Variants in NUDC observed in about 807,000 individuals in gnomAD.
NUDC encodes the protein nuclear migration protein nudC.
A neutral mutation model predicts 45.0 loss-of-function variants in NUDC; 14 were observed. The observed-to-expected ratio is 0.31, with a 90% CI of 0.21 to 0.49. The LOEUF (loss-of-function observed/expected upper bound fraction) is 0.49, where lower values mean the gene tolerates loss of function less well. Among genes scored for constraint, NUDC ranks in the 20% least tolerant of loss-of-function variants. The probability of loss-of-function intolerance (pLI) is 0.99; values close to 1 mark genes in which losing one functional copy is unlikely to be tolerated. For missense variants in NUDC, 323 were observed against 426.2 expected (o/e 0.76, Z 2.13); for synonymous variants, 153 against 156.7 (o/e 0.98, Z 0.17).
chr1:26,903,968 G>A (rs949238837), intron 2 of NUDC, among the ~76,000 whole-genome samples: 2 of 148,936 alleles, frequency 1.3e-5, no homozygotes, highest in African/African-American at 2.5e-5. Flanking sequence ...CCGAGATCGC[G>A]CCACTGCACT....
chr1:26,945,943 G>A lies in NUDC; in HGVS notation c.945-187G>A, dbSNP rs151173308. Among the ~76,000 whole-genome samples, 569 of 152,314 alleles carry A rather than the reference G, an allele frequency of 3.7e-3. 6 individuals carry two copies. The highest frequency in any genetic ancestry group is 0.013 in the African/African-American group (549 of 41,560). On this transcript the variant is annotated intron_variant, in intron 8 of 8. Transcript: ENST00000321265. The stretch of plus-strand genomic sequence containing the variant: ...TGCCACCTACAGGAAAACAATGCCA[G>A]TGTTGGTGCCTCAGCTTCCAGCCTC...
At chr1:26,905,248 C>T (rs2081998444) in intron 2 of NUDC, among the ~76,000 whole-genome samples, 1 of 150,376 alleles carries the variant, frequency 6.6e-6, no homozygotes, top group Non-Finnish European at 1.5e-5. Context: ...GCAACCTCCG[C>T]CTCCTGGGTT....
At chr1:26,944,729 G>T (rs1484807621) in intron 6 of NUDC, among the ~76,000 whole-genome samples, 3 of 152,058 alleles carry the variant, frequency 2.0e-5, no homozygotes, top group African/African-American at 7.2e-5. Context: ...TTGAACCCAG[G>T]AGGTGGAGGT....
At chr1:26,911,687 T>G in intron 3 of NUDC, 4 of 832,238 alleles carry the variant, frequency 4.8e-6, no homozygotes, top group Non-Finnish European at 6.0e-6. Context: ...GGAAGTCCAA[T>G]GTGGGGTGTG....
chr1:26,911,839 A>T, intron 3 of NUDC: 7 of 1,614,180 alleles, frequency 4.3e-6, no homozygotes, highest in Non-Finnish European at 5.9e-6. Context: ...CCTGGGCTGG[A>T]ACAGGTCACC....
intron 2 of NUDC, among the ~76,000 whole-genome samples, chr1:26,908,628 T>G (rs1448605948): frequency 1.3e-5 from 2 of 151,728 alleles, no homozygotes; most frequent in Non-Finnish European, 2.9e-5. Flanking sequence ...GATGCTCCCA[T>G]GCTCACTGCA....
intron 4 of NUDC, among the ~76,000 whole-genome samples, chr1:26,942,367 T>C (rs1218241492): frequency 6.6e-6 from 1 of 152,192 alleles, no homozygotes; most frequent in East Asian, 1.9e-4. Context: ...GGGCAGTGCC[T>C]ATTACAGGTC....
intron 3 of NUDC, chr1:26,911,536 G>T: frequency 2.4e-6 from 1 of 409,276 alleles, no homozygotes; most frequent in Non-Finnish European, 4.6e-6. Flanking sequence ...ATTCAGTTCT[G>T]TATAAAGTCG....
Position 26,946,439 on chromosome 1 carries a change from A to T in NUDC, c.*258A>T. On this transcript the variant is annotated 3_prime_UTR_variant, in exon 9 of 9. Coordinates refer to ENST00000321265, the MANE Select transcript of NUDC (RefSeq NM_006600.4). Reference sequence around the variant, plus strand: ...TGCCTCTGGCCTTTCTCTGGGGCACAGGCCTCTTACGGCTGCTGCTGGGAA... The same window carrying T: ...TGCCTCTGGCCTTTCTCTGGGGCACTGGCCTCTTACGGCTGCTGCTGGGAA... The T allele has an allele frequency of 1.9e-6, 1 of 522,614 alleles. No homozygotes were observed. 32.4% of individuals were successfully genotyped at this position (522,614 alleles called of 1,614,324 possible). A position where few individuals can be genotyped will look rare whatever the true frequency, so the allele number is the denominator to read the frequency against.
chr1:26,929,965 A>G (rs371821960), intron 2 of NUDC, among the ~76,000 whole-genome samples: 184 of 152,242 alleles, frequency 1.2e-3, no homozygotes, highest in African/African-American at 4.3e-3. Context: ...CGGAGGTTTC[A>G]GTGAGTCGAG....
At chr1:26,922,758 T>C (rs2082101881) in intron 1 of NUDC, among the ~76,000 whole-genome samples, 3 of 152,232 alleles carry the variant, frequency 2.0e-5, no homozygotes, top group African/African-American at 7.2e-5. Flanking sequence ...TGGCTGATTG[T>C]GTCTTACTGG....
chr1:26,913,614 C>T, intron 3 of NUDC: 1 of 1,614,038 alleles, frequency 6.2e-7, no homozygotes, highest in Non-Finnish European at 8.5e-7. Context: ...GGGCCTCAGC[C>T]ACCTCAAAGG....
intron 2 of NUDC, among the ~76,000 whole-genome samples, chr1:26,932,180 T>G (rs867675051): frequency 2.0e-5 from 3 of 151,318 alleles, no homozygotes; most frequent in African/African-American, 7.3e-5. Context: ...ATTTTTCTTT[T>G]TCTTTTTTTT....
intron 2 of NUDC, among the ~76,000 whole-genome samples, chr1:26,931,974 C>A (rs2124114362): frequency 6.6e-6 from 1 of 150,506 alleles, no homozygotes; most frequent in Non-Finnish European, 1.5e-5. Context: ...GTGTGAGCCA[C>A]CACGCTTGGC....
chr1:26,911,950 G>A (rs1219016247), intron 3 of NUDC: 2 of 1,614,252 alleles, frequency 1.2e-6, no homozygotes, highest in South Asian at 1.1e-5. Context: ...TGGACTTGAG[G>A]GTGGAGGCCG....
At chr1:26,945,260 C>A in intron 6 of NUDC, 130 bp from the exon 7 acceptor site, 1 of 742,868 alleles carries the variant, frequency 1.3e-6, no homozygotes, top group Non-Finnish European at 2.4e-6. Context: ...ACCTCTGGAT[C>A]CAGTGTAGGC....
chr1:26,935,573 G>A (rs1024535093), intron 2 of NUDC, among the ~76,000 whole-genome samples: 1 of 151,964 alleles, frequency 6.6e-6, no homozygotes, highest in African/African-American at 2.4e-5. Flanking sequence ...AAAGCAGCAT[G>A]GGGGTAGCCA....
At chr1:26,925,538 C>CAAAAAAAAAAAAAAAAAAA (rs71010305) in intron 2 of NUDC, among the ~76,000 whole-genome samples, 1 of 43,360 alleles carries the variant, frequency 2.3e-5, no homozygotes. Context: ...GACTCCGTCT[C>CAAAAAAAAAAAAAAAAAAA]AAAAAAAAAA....
intron 4 of NUDC, among the ~76,000 whole-genome samples, chr1:26,942,246 A>G (rs12728150): frequency 0.11 from 16,665 of 152,110 alleles, 1,208 homozygotes; most frequent in African/African-American, 0.21. Context: ...AGCCGAGATC[A>G]CGCCACTGCA....
Sources: allele counts gnomAD v4.1 joint callset (sites outside exome capture counted in the v4.1 genomes callset), GRCh38; gene constraint gnomAD v4.1.1; transcripts MANE v1.5; gene names NCBI Gene and HGNC (gene_info 2026-07-23, HGNC 2026-07-21).